Variants in TNKS observed in about 807,000 individuals in gnomAD.
The protein encoded by TNKS is tankyrase, also known as poly [ADP-ribose] polymerase tankyrase-1.
TNKS carries 72 observed loss-of-function variants against 135.8 expected under a neutral mutation model. The ratio of observed to expected loss-of-function variants is 0.53; its 90% CI spans 0.44 to 0.64. The LOEUF (loss-of-function observed/expected upper bound fraction) is 0.64. TNKS is among the 30% of genes least tolerant of loss of function. TNKS has a pLI of 0.00. For synonymous variants in TNKS, 849 were observed against 649.3 expected (o/e 1.31, Z -4.68); for missense variants, 1,769 against 1,674.0 (o/e 1.06, Z -0.99).
intron 2 of TNKS, among the ~76,000 whole-genome samples, chr8:9,590,312 G>A (rs1185530256): frequency 3.9e-5 from 6 of 152,014 alleles, no homozygotes; most frequent in Admixed American, 2.0e-4. Flanking sequence ...TCTGCCTGCG[G>A]TACTCTTTCC....
intron 2 of TNKS, among the ~76,000 whole-genome samples, chr8:9,587,500 CGCCATTCTCCTGCCTCA>C (rs1798429517): frequency 6.6e-6 from 1 of 151,640 alleles, no homozygotes; most frequent in South Asian, 2.1e-4. Flanking sequence ...CCTGGGTTCA[CGCCATTCTCCTGCCTCA>C]GCCTCCTGAG....
At chr8:9,746,685 C>T (rs1806252409) in intron 17 of TNKS, among the ~76,000 whole-genome samples, 1 of 152,058 alleles carries the variant, frequency 6.6e-6, no homozygotes, top group Non-Finnish European at 1.5e-5. Context: ...AGCCCCAGTC[C>T]TCAGCCCTCC....
At chr8:9,655,615 T>C (rs1230933491) in intron 3 of TNKS, among the ~76,000 whole-genome samples, 3 of 152,218 alleles carry the variant, frequency 2.0e-5, no homozygotes, top group Non-Finnish European at 4.4e-5. Context: ...CACTGCTGCC[T>C]GATACCCAGA....
chr8:9,703,581 A>G (rs1803920318), intron 5 of TNKS, among the ~76,000 whole-genome samples: 1 of 152,214 alleles, frequency 6.6e-6, no homozygotes, highest in African/African-American at 2.4e-5. Flanking sequence ...TGCATTGCTC[A>G]AAATATTTTC....
At chr8:9,756,667 T>C (rs1396387541) in intron 20 of TNKS, among the ~76,000 whole-genome samples, 1 of 152,220 alleles carries the variant, frequency 6.6e-6, no homozygotes, top group African/African-American at 2.4e-5. Context: ...CAGATATTTC[T>C]ATTTCTTTTG....
rs1029297708 is a variant in TNKS, at chr8:9,780,325, T to C, written c.*3589T>C. 3.9e-5 allele frequency: 6 copies of C among 152,044 alleles called. No individual in the cohort carries two copies. Among genetic ancestry groups the C allele is most frequent in the African/African-American group, 1.4e-4 (6 of 41,410 alleles). 9.4% of individuals were successfully genotyped at this position (152,044 alleles called of 1,614,324 possible). ...CCTCTTGTGTGATATCTGTGACAAA[T>C]AGCCTTCTTCTTGTGTTTTCTGTTG... On this transcript the variant is annotated 3_prime_UTR_variant, in exon 27 of 27. Coordinates refer to ENST00000310430, the MANE Select transcript of TNKS (RefSeq NM_003747.3).
chr8:9,608,076 G>A (rs1469998327), intron 2 of TNKS, among the ~76,000 whole-genome samples: 1 of 152,068 alleles, frequency 6.6e-6, no homozygotes, highest in Non-Finnish European at 1.5e-5. Flanking sequence ...GAATAGCTGG[G>A]ACCACAGGTG....
chr8:9,593,711 T>G (rs1798670351), intron 2 of TNKS, among the ~76,000 whole-genome samples: 1 of 152,142 alleles, frequency 6.6e-6, no homozygotes, highest in African/African-American at 2.4e-5. Flanking sequence ...TTACAAAGTC[T>G]TTTAGTTTAA....
At chr8:9,655,260 G>A (rs1263682589) in intron 3 of TNKS, among the ~76,000 whole-genome samples, 1 of 152,226 alleles carries the variant, frequency 6.6e-6, no homozygotes, top group Non-Finnish European at 1.5e-5. Context: ...CGAACTGGGT[G>A]GAGCCCACCG....
chr8:9,579,998 G>A (rs1798108094), intron 1 of TNKS, among the ~76,000 whole-genome samples, 161 bp from the exon 2 acceptor site: 1 of 152,190 alleles, frequency 6.6e-6, no homozygotes, highest in South Asian at 2.1e-4. Context: ...TCTGTGAAAT[G>A]AGTCAGTTTG....
intron 3 of TNKS, among the ~76,000 whole-genome samples, chr8:9,673,047 G>A (rs1191178631): frequency 6.6e-6 from 1 of 152,146 alleles, no homozygotes; most frequent in African/African-American, 2.4e-5. Context: ...TTTAAAGAAT[G>A]TATGTATTTG....
chr8:9,592,939 C>T (rs7018268), intron 2 of TNKS, among the ~76,000 whole-genome samples: 2 of 152,042 alleles, frequency 1.3e-5, no homozygotes, highest in Admixed American at 6.6e-5. Context: ...AGATTATCTT[C>T]CATTTGTCAA....
In TNKS at chr8:9,680,785, A is replaced by G. The variant is rs1311326182; in HGVS notation, c.1092A>G (p.Ala364=). ...CTCCTCTAAATGTGAATTGCCATGC[A>G]AGTGATGGGCGAAAGGTAAGTTATT... ...LLTPLNVNCH[A]SDGRKSTPLH... Residue 364 remains alanine (A), a synonymous_variant, in exon 5 of 27, where the codon GCA becomes GCG. Coordinates refer to ENST00000310430, the MANE Select transcript of TNKS (RefSeq NM_003747.3). The G allele has an allele frequency of 6.2e-7, 1 of 1,612,330 alleles. No individual in the cohort carries two copies. The highest frequency in any genetic ancestry group is 8.5e-7 in the Non-Finnish European group (1 of 1,178,932).
intron 1 of TNKS, among the ~76,000 whole-genome samples, chr8:9,561,496 A>G (rs1797330119): frequency 6.6e-6 from 1 of 152,216 alleles, no homozygotes; most frequent in South Asian, 2.1e-4. Context: ...TGTAAGACTT[A>G]TTTTGCTCAG....
At chr8:9,585,162 C>G (rs921795118) in intron 2 of TNKS, among the ~76,000 whole-genome samples, 21 of 151,640 alleles carry the variant, frequency 1.4e-4, no homozygotes, top group African/African-American at 4.4e-4. Flanking sequence ...AAATCCACCA[C>G]CTAATTTTTT....
intron 2 of TNKS, among the ~76,000 whole-genome samples, chr8:9,613,252 A>C (rs1799527364): frequency 6.6e-6 from 1 of 152,242 alleles, no homozygotes; most frequent in Non-Finnish European, 1.5e-5. Flanking sequence ...GCATGGAATT[A>C]GTCGTCACTG....
intron 3 of TNKS, among the ~76,000 whole-genome samples, chr8:9,676,684 CTCTG>C (rs1424836212): frequency 1.7e-5 from 1 of 59,212 alleles, no homozygotes; most frequent in Admixed American, 1.5e-4. Flanking sequence ...CTCTCTCTCT[CTCTG>C]TGTGTGTGTG....
rs1804154028 is a variant in TNKS at position 9,708,359 on chromosome 8, T to C, written c.1457-12T>C. 6.4e-7 allele frequency: 1 copy of C among 1,557,824 alleles called. No individual in the cohort carries two copies. The highest frequency in any genetic ancestry group is 8.7e-7 in the Non-Finnish European group (1 of 1,151,726). ...ACATCTTTTTTTATGTCAACCATTGTTTCATTGACAGATGAATTTAAAGGT... is the reference window on the plus strand; with the variant it reads ...ACATCTTTTTTTATGTCAACCATTGCTTCATTGACAGATGAATTTAAAGGT... On this transcript the variant is annotated splice_polypyrimidine_tract_variant and intron_variant, in intron 8 of 26. Coordinates refer to ENST00000310430, the MANE Select transcript of TNKS (RefSeq NM_003747.3).
chr8:9,651,711 G>A lies in TNKS; in HGVS notation c.995-28240G>A, dbSNP rs150970209. 3.9e-3 allele frequency among the ~76,000 whole-genome samples: 596 copies of A among 152,250 alleles called. 6 individuals are homozygous for A. Among genetic ancestry groups the A allele is most frequent in the African/African-American group, 0.014 (568 of 41,544 alleles). Reference sequence around the variant, plus strand: ...AGTCACTAGGAGGAAAAGATTGTTGGCCACTTTTCTAGCTGTGGTATGGGC... The same window carrying A: ...AGTCACTAGGAGGAAAAGATTGTTGACCACTTTTCTAGCTGTGGTATGGGC... On this transcript the variant is annotated intron_variant, in intron 3 of 26. Coordinates refer to ENST00000310430, the MANE Select transcript of TNKS (RefSeq NM_003747.3).
Sources: allele counts gnomAD v4.1 joint callset (sites outside exome capture counted in the v4.1 genomes callset), GRCh38; gene constraint gnomAD v4.1.1; transcripts MANE v1.5; gene names NCBI Gene and HGNC (gene_info 2026-07-23, HGNC 2026-07-21).